DYNC1I1: variants seen among roughly 807,000 people sequenced by gnomAD.
DYNC1I1 encodes cytoplasmic dynein 1 intermediate chain 1.
A neutral mutation model predicts 86.6 loss-of-function variants in DYNC1I1; 43 were observed. That is an observed-to-expected ratio of 0.50 (90% CI 0.39 to 0.64). The LOEUF (loss-of-function observed/expected upper bound fraction) is 0.64. Ranked by LOEUF, DYNC1I1 falls within the 30% of genes least tolerant of loss-of-function variation. The pLI is 0.00. For missense variants in DYNC1I1, 604 were observed against 788.8 expected (o/e 0.77, Z 2.81); for synonymous variants, 262 against 283.7 (o/e 0.92, Z 0.77).
intron 1 of DYNC1I1, among the ~76,000 whole-genome samples, chr7:95,788,355 A>G (rs1303249367): frequency 1.3e-5 from 2 of 152,128 alleles, no homozygotes; most frequent in Non-Finnish European, 2.9e-5. Context: ...TTGCTGATAG[A>G]TTGGATGTGG....
chr7:96,096,899 C>T (rs1442783098), intron 16 of DYNC1I1, among the ~76,000 whole-genome samples: 2 of 152,090 alleles, frequency 1.3e-5, no homozygotes, highest in Non-Finnish European at 2.9e-5. Context: ...ATGTAATGTA[C>T]TTAGAACAGA....
chr7:95,927,234 A>C (rs1791770550), intron 6 of DYNC1I1, among the ~76,000 whole-genome samples: 1 of 152,142 alleles, frequency 6.6e-6, no homozygotes, highest in South Asian at 2.1e-4. Flanking sequence ...TACTAGCCCT[A>C]ATATATTATA....
At chr7:95,888,405 C>T (rs1441862671) in intron 6 of DYNC1I1, among the ~76,000 whole-genome samples, 1 of 152,062 alleles carries the variant, frequency 6.6e-6, no homozygotes, top group African/African-American at 2.4e-5. Flanking sequence ...CCATTTTAGT[C>T]CAGCCTGGGC....
rs1449158588 is a variant in DYNC1I1, at chr7:95,924,814, G to T, written c.491-52698G>T. On this transcript the variant is annotated intron_variant, in intron 6 of 16. Coordinates refer to ENST00000447467, the MANE Select transcript of DYNC1I1 (RefSeq NM_001135556.2). The stretch of plus-strand genomic sequence containing the variant: ...GATCCTGATTTGTGAAAGAAATACC[G>T]TAAACTGCATGGGCAGGAATGGAGG... 5.3e-5 allele frequency among the ~76,000 whole-genome samples: 8 copies of T among 152,156 alleles called. No individual in the cohort carries two copies. The East Asian group carries it at 1.5e-3, about 29-fold the overall frequency.
chr7:95,838,409 T>A (rs1789178432), intron 5 of DYNC1I1, among the ~76,000 whole-genome samples: 1 of 152,218 alleles, frequency 6.6e-6, no homozygotes, highest in Admixed American at 6.5e-5. Flanking sequence ...TATGCCTGTT[T>A]TTGTTACAGT....
At chr7:95,926,125 A>G (rs1045411430) in intron 6 of DYNC1I1, among the ~76,000 whole-genome samples, 7 of 152,182 alleles carry the variant, frequency 4.6e-5, no homozygotes, top group African/African-American at 1.7e-4. Flanking sequence ...TTTACTGATC[A>G]TCATAAGATT....
chr7:96,084,791 G>A (rs886945126), intron 16 of DYNC1I1, among the ~76,000 whole-genome samples: 3 of 152,026 alleles, frequency 2.0e-5, no homozygotes, highest in Admixed American at 1.3e-4. Flanking sequence ...CATTATAAAC[G>A]TCAAGGTACA....
chr7:96,047,969 G>A (rs1476227634), intron 14 of DYNC1I1, among the ~76,000 whole-genome samples: 1 of 152,088 alleles, frequency 6.6e-6, no homozygotes, highest in Non-Finnish European at 1.5e-5. Flanking sequence ...ATATTGGCAA[G>A]ACTAAAAAAA....
At chr7:96,048,468 G>C (rs899657941) in intron 14 of DYNC1I1, among the ~76,000 whole-genome samples, 2 of 152,170 alleles carry the variant, frequency 1.3e-5, no homozygotes, top group African/African-American at 4.8e-5. Context: ...GGGCTTATTA[G>C]AGATGCAAAC....
intron 6 of DYNC1I1, among the ~76,000 whole-genome samples, chr7:95,923,637 G>A (rs1791668605): frequency 6.6e-6 from 1 of 151,914 alleles, no homozygotes; most frequent in Non-Finnish European, 1.5e-5. Context: ...CATTTTTGTG[G>A]GATAACAACA....
At chr7:95,852,959 G>A (rs999294078) in intron 5 of DYNC1I1, among the ~76,000 whole-genome samples, 7 of 151,916 alleles carry the variant, frequency 4.6e-5, no homozygotes, top group South Asian at 2.1e-4. Context: ...TTTGTGCGTT[G>A]TGTTTCCATT....
Position 95,984,847 on chromosome 7 carries a change from C to G in DYNC1I1, c.613C>G (p.Gln205Glu), listed in dbSNP as rs755089840. ...AAGAGAGTTGACAGAGGAAGAAAAA[C>G]AGCAGATCCTTCATTCAGAGGAATT... The part of the protein sequence containing the change: ...PPRELTEEEK[Q>E]QILHSEEFLI... Residue 205 changes from glutamine to glutamate, a missense_variant, in exon 8 of 17, where the codon CAG (glutamine) becomes GAG (glutamate). Coordinates refer to ENST00000447467, the MANE Select transcript of DYNC1I1 (RefSeq NM_001135556.2). 2.7e-5 allele frequency: 43 copies of G among 1,611,252 alleles called. No homozygotes were observed. The highest frequency in any genetic ancestry group is 3.5e-5 in the Non-Finnish European group (41 of 1,178,966).
At chr7:96,106,194 C>A (rs950455453) in intron 16 of DYNC1I1, among the ~76,000 whole-genome samples, 8 of 151,982 alleles carry the variant, frequency 5.3e-5, no homozygotes, top group South Asian at 2.1e-4. Context: ...AAACTTAGAT[C>A]ATTGATTTAA....
chr7:96,053,459 G>C (rs2116120420), intron 14 of DYNC1I1, among the ~76,000 whole-genome samples: 1 of 151,998 alleles, frequency 6.6e-6, no homozygotes, highest in East Asian at 1.9e-4. Context: ...AAATTTGGGG[G>C]GCCAAATATA....
At chr7:95,791,439 G>A (rs141201790) in intron 1 of DYNC1I1, among the ~76,000 whole-genome samples, 1 of 152,288 alleles carries the variant, frequency 6.6e-6, no homozygotes, top group African/African-American at 2.4e-5. Flanking sequence ...CTTGTTATCA[G>A]TTATTTTAAA....
chr7:95,860,329 TAA>T (rs1373516949), intron 5 of DYNC1I1, among the ~76,000 whole-genome samples: 1 of 152,094 alleles, frequency 6.6e-6, no homozygotes, highest in Non-Finnish European at 1.5e-5. Flanking sequence ...CCCACCCACG[TAA>T]AAATAGTGTA....
intron 14 of DYNC1I1, among the ~76,000 whole-genome samples, chr7:96,069,093 C>T (rs1790084416): frequency 6.6e-6 from 1 of 152,092 alleles, no homozygotes; most frequent in Admixed American, 6.6e-5. Context: ...CCCTGTACAC[C>T]CTCCTAATCC....
rs138576214 is a variant in DYNC1I1, at chr7:95,984,829, T to C, written c.595T>C (p.Leu199=). 1.2e-6 allele frequency: 2 copies of C among 1,607,730 alleles called. No homozygotes were observed. Among genetic ancestry groups the C allele is most frequent in the Non-Finnish European group, 8.5e-7 (1 of 1,178,092 alleles). The part of the protein sequence containing the change: ...QEVKEAPPRE[L]TEEEKQQILH... The stretch of plus-strand genomic sequence containing the variant: ...AATAAATAAAGCCCCTCCAAGAGAG[T>C]TGACAGAGGAAGAAAAACAGCAGAT... The change falls in exon 8 of 17, where the codon TTG becomes CTG. Residue 199 remains leucine (L), a synonymous_variant. Coordinates refer to ENST00000447467, the MANE Select transcript of DYNC1I1 (RefSeq NM_001135556.2).
At chr7:95,798,481 C>A (rs1794499861) in intron 1 of DYNC1I1, among the ~76,000 whole-genome samples, 1 of 152,014 alleles carries the variant, frequency 6.6e-6, no homozygotes, top group Admixed American at 6.6e-5. Context: ...AAATTTCTTA[C>A]ACGTATCTGT....
Sources: allele counts gnomAD v4.1 joint callset (sites outside exome capture counted in the v4.1 genomes callset), GRCh38; gene constraint gnomAD v4.1.1; transcripts MANE v1.5; gene names NCBI Gene and HGNC (gene_info 2026-07-23, HGNC 2026-07-21).